DDR2: variants seen among roughly 807,000 people sequenced by gnomAD.
DDR2 encodes discoidin domain receptor tyrosine kinase 2.
In DDR2, 27 loss-of-function variants were observed where a neutral mutation model predicts 94.9. That is an observed-to-expected ratio of 0.28 (90% confidence interval 0.21 to 0.39). The LOEUF (loss-of-function observed/expected upper bound fraction) is 0.39. Among genes scored for constraint, DDR2 ranks in the 10% least tolerant of loss-of-function variants. The pLI is 1.00. For synonymous variants in DDR2, 382 were observed against 377.2 expected (o/e 1.01, Z -0.15); for missense variants, 783 against 1,076.0 (o/e 0.73, Z 3.81).
At position 162,694,735 on chromosome 1, in the gene DDR2, A is replaced by G. The variant is rs2101982971; in HGVS notation, c.-27-24302A>G. Among the ~76,000 whole-genome samples, 2 of 152,322 alleles carry G rather than the reference A, an allele frequency of 1.3e-5. 1 individual carries two copies. The highest frequency in any genetic ancestry group is 3.9e-4 in the East Asian group (2 of 5,188). ...ATGCATGTTGAGCTACATTTCTGTG[A>G]TATGTCAAAAATCTAGAAGTATTTT... is the stretch of plus-strand genomic sequence containing the variant. On this transcript the variant is annotated intron_variant, in intron 2 of 17. Transcript: ENST00000367921.
At chr1:162,733,887 C>A in intron 3 of DDR2, among the ~76,000 whole-genome samples, 1 of 152,182 alleles carries the variant, frequency 6.6e-6, no homozygotes, top group East Asian at 1.9e-4. Flanking sequence ...TCACTTTAAT[C>A]CCATACCACG....
chr1:162,774,702 C>T (rs1263110319), intron 14 of DDR2, among the ~76,000 whole-genome samples: 1 of 152,062 alleles, frequency 6.6e-6, no homozygotes, highest in Non-Finnish European at 1.5e-5. Flanking sequence ...AGCCTTTCTC[C>T]GTTGTTCCGA....
chr1:162,645,703 A>G (rs1024150174), intron 1 of DDR2, among the ~76,000 whole-genome samples: 2 of 152,216 alleles, frequency 1.3e-5, no homozygotes. Flanking sequence ...TTGAGGGTTC[A>G]TAAGTTCAGG....
At chr1:162,744,929 T>A (rs915059136) in intron 3 of DDR2, among the ~76,000 whole-genome samples, 1 of 152,240 alleles carries the variant, frequency 6.6e-6, no homozygotes. Context: ...GCCTCCATAC[T>A]GACTGCATCA....
At chr1:162,770,257 T>C in intron 11 of DDR2, 45 bp from the exon 12 acceptor site, 1 of 1,580,392 alleles carries the variant, frequency 6.3e-7, no homozygotes, top group African/African-American at 1.3e-5. Context: ...GCATTGACCA[T>C]CTCTTTTGTG....
intron 3 of DDR2, among the ~76,000 whole-genome samples, chr1:162,734,917 G>A (rs1571262317): frequency 6.6e-6 from 1 of 152,170 alleles, no homozygotes; most frequent in African/African-American, 2.4e-5. Flanking sequence ...TGTGGAGAAG[G>A]GATGATAGAG....
At chr1:162,740,753 T>C (rs1662547920) in intron 3 of DDR2, among the ~76,000 whole-genome samples, 1 of 152,188 alleles carries the variant, frequency 6.6e-6, no homozygotes, top group African/African-American at 2.4e-5. Context: ...GGCCAATGAA[T>C]TGCTTAACGA....
At chr1:162,699,922 C>T (rs1477580825) in intron 2 of DDR2, among the ~76,000 whole-genome samples, 2 of 152,160 alleles carry the variant, frequency 1.3e-5, no homozygotes, top group Admixed American at 6.5e-5. Context: ...TCCTAATTAG[C>T]TTCTATTGTC....
intron 3 of DDR2, among the ~76,000 whole-genome samples, chr1:162,752,336 T>G (rs1229487919): frequency 6.6e-6 from 1 of 152,244 alleles, no homozygotes; most frequent in Non-Finnish European, 1.5e-5. Flanking sequence ...ACTCATTGTG[T>G]TGTATCCTGG....
chr1:162,698,018 G>T (rs1660265805), intron 2 of DDR2, among the ~76,000 whole-genome samples: 2 of 152,168 alleles, frequency 1.3e-5, no homozygotes, highest in African/African-American at 4.8e-5. Context: ...GACAGCAACT[G>T]CCAATTAAAT....
intron 3 of DDR2, among the ~76,000 whole-genome samples, chr1:162,726,795 G>A (rs1240706393): frequency 2.0e-5 from 3 of 152,070 alleles, no homozygotes; most frequent in African/African-American, 4.8e-5. Context: ...GAGCAGACAA[G>A]GAGACAGGGA....
chr1:162,648,903 C>T (rs1271509681), intron 1 of DDR2, among the ~76,000 whole-genome samples: 1 of 152,170 alleles, frequency 6.6e-6, no homozygotes, highest in African/African-American at 2.4e-5. Flanking sequence ...TGAAATTGCT[C>T]AGTAGCTGTT....
At chr1:162,763,958 C>A (rs1253716036) in intron 9 of DDR2, among the ~76,000 whole-genome samples, 3 of 152,164 alleles carry the variant, frequency 2.0e-5, no homozygotes, top group Non-Finnish European at 4.4e-5. Flanking sequence ...TTATTACTAG[C>A]AACGTAACTA....
At chr1:162,767,502 G>A in intron 11 of DDR2, 143 bp downstream of exon 11, 3 of 1,290,814 alleles carry the variant, frequency 2.3e-6, no homozygotes, top group Admixed American at 2.0e-5. Flanking sequence ...TAGGAATGAA[G>A]CCAGAATAGA....
intron 7 of DDR2, among the ~76,000 whole-genome samples, chr1:162,756,554 A>G (rs1663474221): frequency 6.6e-6 from 1 of 152,200 alleles, no homozygotes; most frequent in Admixed American, 6.5e-5. Flanking sequence ...TGCATCTGCA[A>G]AGTGAGCCTG....
chr1:162,668,252 G>C (rs1416037663), intron 2 of DDR2, among the ~76,000 whole-genome samples: 1 of 152,226 alleles, frequency 6.6e-6, no homozygotes, highest in Non-Finnish European at 1.5e-5. Flanking sequence ...TACTGTGGCA[G>C]GGGAGATCCA....
intron 12 of DDR2, chr1:162,770,714 T>G: frequency 1.4e-6 from 1 of 711,360 alleles, no homozygotes; most frequent in Non-Finnish European, 2.6e-6. Flanking sequence ...GAATATAAGA[T>G]GTGTGGAGGG....
chr1:162,747,965 C>G (rs1374439763), intron 3 of DDR2, among the ~76,000 whole-genome samples: 15 of 152,144 alleles, frequency 9.9e-5, no homozygotes, highest in Non-Finnish European at 1.5e-5. Context: ...GATTTTGTCA[C>G]CACCAGGCCT....
intron 2 of DDR2, among the ~76,000 whole-genome samples, chr1:162,696,603 T>C (rs1660205271): frequency 6.6e-6 from 1 of 151,598 alleles, no homozygotes; most frequent in South Asian, 2.1e-4. Flanking sequence ...ACTGATTGGA[T>C]GCACATTTAG....
Sources: allele counts gnomAD v4.1 joint callset (sites outside exome capture counted in the v4.1 genomes callset), GRCh38; gene constraint gnomAD v4.1.1; transcripts MANE v1.5; gene names NCBI Gene and HGNC (gene_info 2026-07-23, HGNC 2026-07-21).